The following TSPAN11 variants were observed in gnomAD, a reference collection of about 807,000 sequenced individuals.
TSPAN11 encodes the protein tetraspanin 11, also known as tetraspanin-11.
A neutral mutation model predicts 32.9 loss-of-function variants in TSPAN11; 29 were observed. The observed-to-expected ratio is 0.88, with a 90% CI of 0.66 to 1.20. The LOEUF (loss-of-function observed/expected upper bound fraction) is 1.20. TSPAN11 is among the 50% of genes most tolerant of loss of function. The pLI, the probability that TSPAN11 is intolerant of heterozygous loss-of-function variation, is 0.00. For synonymous variants in TSPAN11, 140 were observed against 141.3 expected, an observed-to-expected ratio of 0.99 and a Z score of 0.07; for missense variants, 283 against 329.1, an observed-to-expected ratio of 0.86 and a Z score of 1.08.
intron 2 of TSPAN11, among the ~76,000 whole-genome samples, chr12:30,963,110 C>A (rs191017104): frequency 6.6e-6 from 1 of 152,268 alleles, no homozygotes; most frequent in East Asian, 1.9e-4. Context: ...GGGAATCAGA[C>A]AATTAGCAAA....
chr12:31,016,484 G>GAGGAA, the TSPAN11 span, among the ~76,000 whole-genome samples: 1 of 151,638 alleles, frequency 6.6e-6, no homozygotes, highest in African/African-American at 2.4e-5. Flanking sequence ...AAGGAGAGGA[G>GAGGAA]AGGAAAGGAG....
At position 30,973,860 on chromosome 12, in the gene TSPAN11, C is replaced by T. The variant is rs111794345; in HGVS notation, c.277-4701C>T. Among the ~76,000 whole-genome samples the T allele has an allele frequency of 6.9e-3, 1,054 of 152,304 alleles. 16 individuals are homozygous for T. The highest frequency in any genetic ancestry group is 0.024 in the African/African-American group (1,005 of 41,560). On this transcript the variant is annotated intron_variant, in intron 3 of 7. Coordinates refer to ENST00000546076, the MANE Select transcript of TSPAN11 (RefSeq NM_001370302.1). ...TTCTTGATGCTTCCTAGAGTCAACCCTAACACAAACCTTATGGCGTCACAC... is the reference window on the plus strand; with the variant it reads ...TTCTTGATGCTTCCTAGAGTCAACCTTAACACAAACCTTATGGCGTCACAC...
the TSPAN11 span, among the ~76,000 whole-genome samples, chr12:31,004,959 A>T: frequency 6.6e-6 from 1 of 151,942 alleles, no homozygotes; most frequent in Non-Finnish European, 1.5e-5. Context: ...TCCTCTCTCC[A>T]CCTGCCTCTC....
chr12:30,939,502 T>C lies in TSPAN11; in HGVS notation c.-12+12706T>C, dbSNP rs541594043. Among the ~76,000 whole-genome samples, 3 of 152,298 alleles carry C rather than the reference T, an allele frequency of 2.0e-5. No homozygotes were observed. In the East Asian group the frequency reaches 5.8e-4, roughly 29 times the overall value. On this transcript the variant is annotated intron_variant, in intron 1 of 7. Coordinates refer to ENST00000546076, the MANE Select transcript of TSPAN11 (RefSeq NM_001370302.1). ...GCGCCTTCCTCAGATCTGGCATTTG[T>C]TTATGTAATGATCTACCTTCAAATT...
chr12:30,983,289 C>T, intron 7 of TSPAN11, 139 bp downstream of exon 7: 1 of 795,666 alleles, frequency 1.3e-6, no homozygotes, highest in Non-Finnish European at 2.0e-6. Context: ...CTTCTTCTCT[C>T]CCCTTCCCTC....
intron 3 of TSPAN11, among the ~76,000 whole-genome samples, chr12:30,976,467 C>T (rs1372160496): frequency 6.6e-6 from 1 of 152,148 alleles, no homozygotes. Context: ...CCCAGCTTTC[C>T]TCAGTGTTTG....
At chr12:30,996,625 C>T (rs1939422276), downstream of TSPAN11, 1 of 152,152 alleles carries the variant, frequency 6.6e-6, no homozygotes, top group Admixed American at 6.5e-5. Context: ...TTTTTTTCTC[C>T]TCTGCAAGGA....
chr12:30,968,639 G>C (rs1321728125), intron 3 of TSPAN11, among the ~76,000 whole-genome samples: 1 of 152,134 alleles, frequency 6.6e-6, no homozygotes, highest in African/African-American at 2.4e-5. Flanking sequence ...TTGTGAATGG[G>C]GGCTCTGAAA....
chr12:30,932,988 G>A (rs773509169), intron 1 of TSPAN11, among the ~76,000 whole-genome samples: 9 of 152,174 alleles, frequency 5.9e-5, no homozygotes, highest in South Asian at 2.1e-4. Context: ...ATGAAATGAC[G>A]TGGTCCACAA....
At chr12:30,987,858 G>A (rs951643064) in intron 7 of TSPAN11, among the ~76,000 whole-genome samples, 1 of 152,190 alleles carries the variant, frequency 6.6e-6, no homozygotes, top group Non-Finnish European at 1.5e-5. Context: ...AGGAGGGACT[G>A]TTCCTGGGAG....
At chr12:31,012,751 G>A in the TSPAN11 span, 2 of 152,196 alleles carry the variant, frequency 1.3e-5, no homozygotes, top group Admixed American at 6.5e-5. Context: ...CGAGGAACCC[G>A]ATCGTGTGAG....
chr12:30,972,805 G>T (rs990684585), intron 3 of TSPAN11, among the ~76,000 whole-genome samples: 1 of 151,836 alleles, frequency 6.6e-6, no homozygotes, highest in African/African-American at 2.4e-5. Flanking sequence ...CGGCTGCGCA[G>T]GGGGGAGGTG....
At chr12:30,974,925 AGACGGTGGG>A (rs1388498560) in intron 3 of TSPAN11, among the ~76,000 whole-genome samples, 1 of 152,208 alleles carries the variant, frequency 6.6e-6, no homozygotes, top group African/African-American at 2.4e-5. Flanking sequence ...GCAGGCATTC[AGACGGTGGG>A]GAGTGGCAGT....
At position 30,991,929 on chromosome 12, in the gene TSPAN11, C is replaced by T; in HGVS notation, c.*14C>T. ...CATTTTTACTAATGGCCAACCACCT[C>T]CTCTTCCAACTGCCCCTCAAGACAA... On this transcript the variant is annotated 3_prime_UTR_variant, in exon 8 of 8. Coordinates refer to ENST00000546076, the MANE Select transcript of TSPAN11 (RefSeq NM_001370302.1). The T allele has an allele frequency of 6.2e-7, 1 of 1,614,162 alleles. No homozygotes were observed. The highest frequency in any genetic ancestry group is 8.5e-7 in the Non-Finnish European group (1 of 1,180,014).
chr12:31,007,209 G>T, the TSPAN11 span, among the ~76,000 whole-genome samples: 1 of 152,150 alleles, frequency 6.6e-6, no homozygotes, highest in East Asian at 1.9e-4. Context: ...TTTCCCCACT[G>T]TAAGGTCTAG....
At chr12:30,960,191 A>T (rs1938584459) in intron 2 of TSPAN11, among the ~76,000 whole-genome samples, 2 of 151,894 alleles carry the variant, frequency 1.3e-5, no homozygotes, top group Admixed American at 1.3e-4. Flanking sequence ...AGGAGCACAG[A>T]TGATGAGTGT....
intron 2 of TSPAN11, among the ~76,000 whole-genome samples, chr12:30,958,915 C>T (rs78335537): frequency 2.6e-5 from 4 of 152,052 alleles, no homozygotes; most frequent in East Asian, 3.9e-4. Context: ...CTTAAGATAC[C>T]GAGGGCGCAA....
chr12:30,969,246 A>G (rs991526979), intron 3 of TSPAN11, among the ~76,000 whole-genome samples: 18 of 152,320 alleles, frequency 1.2e-4, no homozygotes, highest in African/African-American at 4.1e-4. Flanking sequence ...CTGAGTCCCC[A>G]TGCCTGGAAA....
intron 4 of TSPAN11, 165 bp downstream of exon 4, chr12:30,978,800 C>T: frequency 3.1e-6 from 2 of 640,922 alleles, no homozygotes; most frequent in South Asian, 3.9e-5. Context: ...GCTGCTGGTC[C>T]TGGCTCCAGC....
Sources: allele counts gnomAD v4.1 joint callset (sites outside exome capture counted in the v4.1 genomes callset), GRCh38; gene constraint gnomAD v4.1.1; transcripts MANE v1.5; gene names NCBI Gene and HGNC (gene_info 2026-07-23, HGNC 2026-07-21).